Variants in BPIFB1 observed in about 807,000 individuals in gnomAD.
BPIFB1 encodes the protein BPI fold-containing family B member 1.
In BPIFB1, 34 loss-of-function variants were observed where a neutral mutation model predicts 55.1. The observed-to-expected ratio is 0.62, with a 90% CI of 0.47 to 0.82. BPIFB1 has a LOEUF of 0.82. BPIFB1 is among the 40% of genes least tolerant of loss of function. BPIFB1 has a pLI of 0.00. For missense variants in BPIFB1, 532 were observed against 593.1 expected (o/e 0.90, Z 1.07); for synonymous variants, 236 against 245.3 (o/e 0.96, Z 0.35).
intron 5 of BPIFB1, among the ~76,000 whole-genome samples, chr20:33,291,326 T>C (rs1980465683): frequency 6.6e-6 from 1 of 152,180 alleles, no homozygotes; most frequent in Non-Finnish European, 1.5e-5. Flanking sequence ...GTTTCAGGCA[T>C]GACACCGGGA....
In BPIFB1 at chr20:33,301,345, A is replaced by T. The variant is rs1479922568; in HGVS notation, c.860A>T (p.Asp287Val). Reference protein sequence around the residue: ...NIPFSLIVSQDVVKAAVAAVL... With the variant: ...NIPFSLIVSQVVVKAAVAAVL... ...CCGTTCAGCCTCATCGTGAGTCAGGACGTGGTGAAAGCTGCAGTGGCTGCT... is the reference window on the plus strand; with the variant it reads ...CCGTTCAGCCTCATCGTGAGTCAGGTCGTGGTGAAAGCTGCAGTGGCTGCT... The change falls in exon 9 of 16, where the codon GAC becomes GTC. Residue 287 changes from aspartate (D) to valine (V), a missense_variant. Physicochemically the swap from Asp to Val is radical, Grantham distance 152 (BLOSUM62 -3). Transcript: ENST00000253354. 1 of 1,614,240 alleles carries T rather than the reference A, an allele frequency of 6.2e-7. No individual in the cohort carries two copies. Among genetic ancestry groups the T allele is most frequent in the Non-Finnish European group, 8.5e-7 (1 of 1,180,044 alleles).
chr20:33,286,399 T>C (rs1437799687), intron 2 of BPIFB1, among the ~76,000 whole-genome samples: 2 of 152,182 alleles, frequency 1.3e-5, no homozygotes, highest in Non-Finnish European at 2.9e-5. Context: ...AATTCCACAG[T>C]TCCAAAGACC....
chr20:33,294,628 C>T (rs1279835531), intron 6 of BPIFB1, among the ~76,000 whole-genome samples: 1 of 152,136 alleles, frequency 6.6e-6, no homozygotes, highest in African/African-American at 2.4e-5. Context: ...TTCTTCCCAG[C>T]CTCCAGCAAA....
At chr20:33,302,323 C>T in intron 9 of BPIFB1, 36 bp from the exon 10 acceptor site, 1 of 1,611,488 alleles carries the variant, frequency 6.2e-7, no homozygotes, top group Non-Finnish European at 8.5e-7. Context: ...TCCCTGTGCC[C>T]TCCAACTGAC....
intron 4 of BPIFB1, 68 bp downstream of exon 4, chr20:33,290,060 C>CGT (rs1487363466): frequency 2.4e-6 from 3 of 1,240,006 alleles, no homozygotes; most frequent in Non-Finnish European, 3.5e-6. Flanking sequence ...CTCCCCCGCC[C>CGT]CCACCATGCA....
In BPIFB1 at chr20:33,294,902, G is replaced by A. The variant is rs529443379; in HGVS notation, c.598-2623G>A. ...GGCATAGCACGTTTAAGAGGTGAGC[G>A]TCTGGTAGGAGCTCATTTAGAAAAT... On this transcript the variant is annotated intron_variant, in intron 6 of 15. Coordinates refer to ENST00000253354, the MANE Select transcript of BPIFB1 (RefSeq NM_033197.3). 1.1e-4 allele frequency among the ~76,000 whole-genome samples: 16 copies of A among 152,244 alleles called. No homozygotes were observed. In the South Asian group the frequency reaches 1.7e-3, roughly 16 times the overall value.
At chr20:33,294,994 C>A (rs1471124117) in intron 6 of BPIFB1, among the ~76,000 whole-genome samples, 1 of 152,120 alleles carries the variant, frequency 6.6e-6, no homozygotes. Flanking sequence ...GCAGGAGGAT[C>A]CCCTGAGATC....
intron 5 of BPIFB1, 105 bp from the exon 6 acceptor site, chr20:33,291,802 C>T (rs1980481251): frequency 9.9e-7 from 1 of 1,014,582 alleles, no homozygotes; most frequent in Non-Finnish European, 1.5e-6. Context: ...TGACCTTGGG[C>T]AGGTTCCTTC....
At chr20:33,289,759 CGGT>C in intron 3 of BPIFB1, 123 bp from the exon 4 acceptor site, 1 of 759,838 alleles carries the variant, frequency 1.3e-6, no homozygotes. Context: ...GGAGAGGAGT[CGGT>C]GGGCAGGGCC....
intron 4 of BPIFB1, 74 bp from the exon 5 acceptor site, chr20:33,290,879 AAGAC>A: frequency 6.6e-7 from 1 of 1,519,804 alleles, no homozygotes. Context: ...TGAGGGCTGG[AAGAC>A]AGAGACGGAC....
At position 33,298,976 on chromosome 20, in the gene BPIFB1, C is replaced by CTTTTTTT. The variant is rs35028429; in HGVS notation, c.662-914_662-908dup. ...CGGGGACCTTATTGACTTTAATATA[C>CTTTTTTT]TTTTTTTTTTTTTTTGGAGACGGAC... On this transcript the variant is annotated intron_variant, in intron 7 of 15. Coordinates refer to ENST00000253354, the MANE Select transcript of BPIFB1 (RefSeq NM_033197.3). The CTTTTTTT allele has an allele frequency of 1.3e-4, 33 of 244,884 alleles. 1 individual carries two copies. Among genetic ancestry groups the CTTTTTTT allele is most frequent in the African/African-American group, 9.2e-4 (32 of 34,896 alleles). 15.2% of individuals were successfully genotyped at this position (244,884 alleles called of 1,614,324 possible).
intron 13 of BPIFB1, among the ~76,000 whole-genome samples, chr20:33,305,296 T>C (rs1223213081): frequency 6.6e-6 from 1 of 150,796 alleles, no homozygotes; most frequent in East Asian, 2.0e-4. Context: ...TTTTTATGAT[T>C]TGTTTTTCAC....
At chr20:33,303,266 G>T (rs1015047647) in intron 11 of BPIFB1, among the ~76,000 whole-genome samples, 192 bp downstream of exon 11, 1 of 152,166 alleles carries the variant, frequency 6.6e-6, no homozygotes, top group Admixed American at 6.5e-5. Context: ...TCTTAGTCAG[G>T]AATCTCTGGA....
chr20:33,298,609 A>AC (rs145884701), intron 7 of BPIFB1: 13,886 of 153,412 alleles, frequency 0.091, 2,140 homozygotes, highest in African/African-American at 0.31. Flanking sequence ...GGCAGTCATG[A>AC]CCCCCCTTCA....
chr20:33,291,112 T>C lies in BPIFB1; in HGVS notation c.515+6T>C, dbSNP rs1321892632. The C allele has an allele frequency of 6.2e-7, 1 of 1,608,996 alleles. No individual in the cohort carries two copies. Among genetic ancestry groups the C allele is most frequent in the African/African-American group, 1.3e-5 (1 of 75,020 alleles). On this transcript the variant is annotated splice_donor_region_variant and intron_variant, in intron 5 of 15. Coordinates refer to ENST00000253354, the MANE Select transcript of BPIFB1 (RefSeq NM_033197.3). ...CGCATCCAACTGCTGCATAAGTGAG[T>C]GTCGCTGGCCACCAGCCGGGCTCCC...
At chr20:33,289,818 G>T (rs1980397493) in intron 3 of BPIFB1, 67 bp from the exon 4 acceptor site, 13 of 1,444,284 alleles carry the variant, frequency 9.0e-6, no homozygotes, top group Non-Finnish European at 1.2e-5. Flanking sequence ...GGAAAAGATA[G>T]AGAGGGAGTG....
intron 6 of BPIFB1, among the ~76,000 whole-genome samples, chr20:33,292,445 A>G (rs764695368): frequency 6.6e-6 from 1 of 152,254 alleles, no homozygotes; most frequent in Non-Finnish European, 1.5e-5. Flanking sequence ...AATAGATAGT[A>G]GTAAAATACA....
chr20:33,296,247 CT>C (rs1980650913), intron 6 of BPIFB1, among the ~76,000 whole-genome samples: 1 of 152,182 alleles, frequency 6.6e-6, no homozygotes, highest in South Asian at 2.1e-4. Flanking sequence ...CCCCGGGACA[CT>C]TTCCGGTGAG....
intron 7 of BPIFB1, among the ~76,000 whole-genome samples, chr20:33,298,393 C>A (rs75123718): frequency 0.042 from 6,361 of 152,278 alleles, 438 homozygotes; most frequent in African/African-American, 0.14. Context: ...CATGCTCAGG[C>A]CCCCAGAGTG....
Sources: allele counts gnomAD v4.1 joint callset (sites outside exome capture counted in the v4.1 genomes callset), GRCh38; gene constraint gnomAD v4.1.1; transcripts MANE v1.5; gene names NCBI Gene and HGNC (gene_info 2026-07-23, HGNC 2026-07-21).